Variants in GSE1 observed in about 807,000 individuals in gnomAD.
GSE1 encodes Gse1 coiled-coil protein.
GSE1 carries 32 observed loss-of-function variants against 112.6 expected under a neutral mutation model. The ratio of observed to expected loss-of-function variants is 0.28; its 90% CI spans 0.21 to 0.38. The LOEUF (loss-of-function observed/expected upper bound fraction) is 0.38, where lower values mean the gene tolerates loss of function less well. Among genes scored for constraint, GSE1 ranks in the 10% least tolerant of loss-of-function variants. GSE1 has a pLI of 1.00. For missense variants in GSE1, 2,348 were observed against 1,699.2 expected, an observed-to-expected ratio of 1.38 and a Z score of -6.71; for synonymous variants, 1,115 against 735.6, an observed-to-expected ratio of 1.52 and a Z score of -8.35.
At chr16:85,272,117 G>T (rs1567653679) in intron 1 of GSE1, among the ~76,000 whole-genome samples, 1 of 152,244 alleles carries the variant, frequency 6.6e-6, no homozygotes, top group Non-Finnish European at 1.5e-5. Flanking sequence ...GTCACCATGC[G>T]GCCGCCATTA....
At chr16:85,288,623 C>G (rs2045113005) in intron 1 of GSE1, among the ~76,000 whole-genome samples, 1 of 152,220 alleles carries the variant, frequency 6.6e-6, no homozygotes, top group Non-Finnish European at 1.5e-5. Context: ...ACCCCTGCCA[C>G]TGAGGACAGC....
intron 2 of GSE1, among the ~76,000 whole-genome samples, chr16:85,500,998 G>GTTTTTTTTTTGTTT (rs2051342155): frequency 6.2e-5 from 4 of 64,826 alleles, no homozygotes; most frequent in African/African-American, 2.0e-4. Context: ...GGCCTGTTCT[G>GTTTTTTTTTTGTTT]TTTTTTTTTT....
chr16:85,561,028 AG>A (rs2045494002), intron 1 of GSE1, among the ~76,000 whole-genome samples: 1 of 151,886 alleles, frequency 6.6e-6, no homozygotes, highest in Non-Finnish European at 1.5e-5. Context: ...GCTACTCAGG[AG>A]GCTGAGGTGA....
intron 2 of GSE1, among the ~76,000 whole-genome samples, chr16:85,428,433 T>C (rs1033665322): frequency 2.1e-4 from 32 of 152,364 alleles, no homozygotes; most frequent in African/African-American, 7.5e-4. Flanking sequence ...GTGTAAGTGA[T>C]TGAACCTTAC....
chr16:85,245,060 G>A (rs779385903), intron 1 of GSE1, among the ~76,000 whole-genome samples: 35 of 152,038 alleles, frequency 2.3e-4, no homozygotes, highest in Non-Finnish European at 4.7e-4. Context: ...TACTTAGGAG[G>A]CTGAGGTGGG....
At chr16:85,323,188 C>A (rs559535095) in intron 1 of GSE1, among the ~76,000 whole-genome samples, 1 of 152,176 alleles carries the variant, frequency 6.6e-6, no homozygotes, top group Non-Finnish European at 1.5e-5. Context: ...TGAAGGGCTG[C>A]AGTCTCAAAA....
At chr16:85,649,122 C>T (rs780578702) in intron 3 of GSE1, among the ~76,000 whole-genome samples, 10 of 152,134 alleles carry the variant, frequency 6.6e-5, no homozygotes, top group Non-Finnish European at 1.5e-4. Context: ...GTGGTGTCTC[C>T]ATGTCTGGGT....
intron 1 of GSE1, among the ~76,000 whole-genome samples, chr16:85,346,304 G>A (rs559691579): frequency 9.2e-5 from 14 of 152,128 alleles, no homozygotes; most frequent in African/African-American, 3.1e-4. Context: ...ATAGTGGATG[G>A]GTGGATGGAT....
chr16:85,261,864 G>A (rs1907724985), intron 1 of GSE1, among the ~76,000 whole-genome samples: 1 of 152,210 alleles, frequency 6.6e-6, no homozygotes, highest in Non-Finnish European at 1.5e-5. Flanking sequence ...ATCAGCACCT[G>A]TGATTTGGTG....
intron 2 of GSE1, among the ~76,000 whole-genome samples, chr16:85,467,093 G>T (rs58256421): frequency 0.033 from 5,040 of 152,318 alleles, 257 homozygotes; most frequent in African/African-American, 0.12. Context: ...AGTGGGGCAG[G>T]GTAGGCGGTA....
chr16:85,656,262 T>TTATGC, intron 6 of GSE1, 81 bp from the exon 7 acceptor site: 1 of 1,543,350 alleles, frequency 6.5e-7, no homozygotes, highest in South Asian at 1.2e-5. Flanking sequence ...TCGTTCCTGG[T>TTATGC]TATGCTTTTT....
chr16:85,211,136 T>C (rs958581229), intron 1 of GSE1, among the ~76,000 whole-genome samples: 1 of 152,140 alleles, frequency 6.6e-6, no homozygotes, highest in African/African-American at 2.4e-5. Flanking sequence ...CAGGCATGCT[T>C]ACCCACACCC....
chr16:85,549,800 C>T (rs1317059322), intron 2 of GSE1, among the ~76,000 whole-genome samples: 1 of 152,176 alleles, frequency 6.6e-6, no homozygotes, highest in Non-Finnish European at 1.5e-5. Context: ...TCCTTGTATG[C>T]CCTTGCCCTT....
chr16:85,368,432 C>T (rs542457831), intron 2 of GSE1, among the ~76,000 whole-genome samples: 11 of 152,210 alleles, frequency 7.2e-5, no homozygotes, highest in South Asian at 2.1e-4. Context: ...TGACCAGGCA[C>T]GGTGGCTCCT....
intron 2 of GSE1, among the ~76,000 whole-genome samples, chr16:85,465,569 C>T (rs1263306346): frequency 2.0e-5 from 3 of 152,220 alleles, no homozygotes; most frequent in Admixed American, 6.5e-5. Context: ...TTTCTTCCAC[C>T]TGGAAGTCCC....
chr16:85,210,740 C>A (rs1309761083), intron 1 of GSE1, among the ~76,000 whole-genome samples: 2 of 152,152 alleles, frequency 1.3e-5, no homozygotes, highest in African/African-American at 4.8e-5. Flanking sequence ...GATTAGGTGA[C>A]GGGGGTGCCA....
chr16:85,560,916 C>T (rs533532595), intron 1 of GSE1, among the ~76,000 whole-genome samples: 1 of 152,126 alleles, frequency 6.6e-6, no homozygotes, highest in South Asian at 2.1e-4. Context: ...ATCACTTGAG[C>T]CCAGGAGCTC....
At chr16:85,181,331 T>C (rs9319458) in intron 1 of GSE1, among the ~76,000 whole-genome samples, 6,169 of 152,292 alleles carry the variant, frequency 0.041, 452 homozygotes, top group African/African-American at 0.14. Context: ...GCTCAGAAAC[T>C]TAAGAGAGTT....
At chr16:85,571,990 A>G (rs998967099) in intron 1 of GSE1, among the ~76,000 whole-genome samples, 1 of 152,052 alleles carries the variant, frequency 6.6e-6, no homozygotes, top group African/African-American at 2.4e-5. Flanking sequence ...GGAGGACATC[A>G]GTACTAGTGT....
Sources: allele counts gnomAD v4.1 joint callset (sites outside exome capture counted in the v4.1 genomes callset), GRCh38; gene constraint gnomAD v4.1.1; transcripts MANE v1.5; gene names NCBI Gene and HGNC (gene_info 2026-07-23, HGNC 2026-07-21).